The following GRM2 variants were observed in gnomAD, a reference collection of about 807,000 sequenced individuals.
GRM2 encodes glutamate metabotropic receptor 2, also known as metabotropic glutamate receptor 2.
A neutral mutation model predicts 60.4 loss-of-function variants in GRM2; 35 were observed. That is an observed-to-expected ratio of 0.58 (90% CI 0.44 to 0.77). The LOEUF is 0.77. GRM2 is among the 30% of genes least tolerant of loss of function. The pLI is 0.00. For synonymous variants in GRM2, 437 were observed against 484.1 expected, an observed-to-expected ratio of 0.90 and a Z score of 1.28; for missense variants, 925 against 1,199.5, an observed-to-expected ratio of 0.77 and a Z score of 3.38.
Position 51,715,424 on chromosome 3 carries a change from ACTGG to A in GRM2, c.1655_1658del (p.Gly552AlafsTer67). On this transcript the variant is annotated frameshift_variant, in exon 4 of 6. Transcript: ENST00000395052. LOFTEE classifies it high-confidence loss of function. This position sits in a 1 kb window ranked among gnomAD's most constrained non-coding sequence, Gnocchi z 9.0. ...GGGCTACTGGCCCAATGCCAGCCTG[ACTGG>A]CTGCTTCGAACTGCCCCAGGAGTAC... 1 of 1,613,210 alleles carries A rather than the reference ACTGG, an allele frequency of 6.2e-7. No individual in the cohort carries two copies. Among genetic ancestry groups the A allele is most frequent in the Non-Finnish European group, 8.5e-7 (1 of 1,179,908 alleles).
chr3:51,718,098 A>T lies in GRM2; in HGVS notation c.2605A>T (p.Thr869Ser), dbSNP rs776436857. Residue 869 changes from threonine (T) to serine (S), a missense_variant, in exon 6 of 6, where the codon ACG (threonine) becomes TCG (serine). Thr to Ser is a moderately conservative substitution (Grantham distance 58, BLOSUM62 1). Coordinates refer to ENST00000395052, the MANE Select transcript of GRM2 (RefSeq NM_000839.5). This position sits in a 1 kb window ranked among gnomAD's most constrained non-coding sequence, Gnocchi z 4.2. ...TGGCCGTGAGGTGGTGGACTCGACA[A>T]CGTCATCGCTTTGAAGACCCCATAC... Reference protein sequence around the residue: ...CNGREVVDSTTSSL With the variant: ...CNGREVVDSTSSSL 1 of 1,614,076 alleles carries T rather than the reference A, an allele frequency of 6.2e-7. No homozygotes were observed. Among genetic ancestry groups the T allele is most frequent in the South Asian group, 1.1e-5 (1 of 91,084 alleles).
In GRM2 at chr3:51,715,363, C is replaced by A. The variant is rs758637715; in HGVS notation, c.1590C>A (p.Tyr530Ter). 6.2e-7 allele frequency: 1 copy of A among 1,613,652 alleles called. No homozygotes were observed. The highest frequency in any genetic ancestry group is 1.3e-5 in the African/African-American group (1 of 74,950). Residue 530 changes from tyrosine (Y) to a stop codon, truncating the protein, a stop_gained, in exon 4 of 6, where the codon TAC becomes TAA. Transcript: ENST00000395052. LOFTEE classifies it high-confidence loss of function. This position sits in a 1 kb window ranked among gnomAD's most constrained non-coding sequence, Gnocchi z 9.0. ...WLCIPCQPYE[Y>*]RLDEFTCADC... ...GCATTCCGTGCCAGCCCTATGAGTA[C>A]CGATTGGACGAATTCACTTGCGCTG... is the stretch of plus-strand genomic sequence containing the variant.
intron 2 of GRM2, among the ~76,000 whole-genome samples, chr3:51,709,677 CA>C (rs1703625869): frequency 1.6e-5 from 2 of 127,784 alleles, no homozygotes; most frequent in Admixed American, 7.5e-5. Flanking sequence ...CTCACACACA[CA>C]CACACACCCC....
chr3:51,715,425 C>A lies in GRM2; in HGVS notation c.1652C>A (p.Thr551Asn). ...GLGYWPNASL[T>N]GCFELPQEYI... Reference sequence around the variant, plus strand: ...GGCTACTGGCCCAATGCCAGCCTGACTGGCTGCTTCGAACTGCCCCAGGAG... The same window carrying A: ...GGCTACTGGCCCAATGCCAGCCTGAATGGCTGCTTCGAACTGCCCCAGGAG... Residue 551 changes from threonine (T) to asparagine (N), a missense_variant, in exon 4 of 6, where the codon ACT (threonine) becomes AAT (asparagine). Thr to Asn is a moderately conservative substitution (Grantham distance 65). Coordinates refer to ENST00000395052, the MANE Select transcript of GRM2 (RefSeq NM_000839.5). This position sits in a 1 kb window ranked among gnomAD's most constrained non-coding sequence, Gnocchi z 9.0. The A allele has an allele frequency of 6.2e-7, 1 of 1,613,044 alleles. No individual in the cohort carries two copies. The highest frequency in any genetic ancestry group is 8.5e-7 in the Non-Finnish European group (1 of 1,179,876).
In GRM2 at chr3:51,712,597, C is replaced by G. The variant is rs1161472483; in HGVS notation, c.575C>G (p.Ala192Gly). 6.2e-7 allele frequency: 1 copy of G among 1,614,144 alleles called. No homozygotes were observed. The highest frequency in any genetic ancestry group is 1.7e-5 in the Admixed American group (1 of 60,032). ...ACAGTGCCTCCTGACTTCTTCCAAG[C>G]CAAGGCCATGGCTGAGATTCTCCGC... ...ARTVPPDFFQ[A>G]KAMAEILRFF... The change falls in exon 3 of 6, where the codon GCC becomes GGC. Residue 192 changes from alanine (A) to glycine (G), a missense_variant. Ala to Gly is a moderately conservative substitution (Grantham distance 60). Transcript: ENST00000395052. The surrounding 1 kb of genome is among the most constrained non-coding windows in gnomAD (Gnocchi z 5.3).
At position 51,715,771 on chromosome 3, in the gene GRM2, G is replaced by T. The variant is rs748298088; in HGVS notation, c.1998G>T (p.Glu666Asp). Residue 666 changes from glutamate (E) to aspartate (D), a missense_variant, in exon 4 of 6, where the codon GAG becomes GAT. Coordinates refer to ENST00000395052, the MANE Select transcript of GRM2 (RefSeq NM_000839.5). The surrounding 1 kb of genome is among the most constrained non-coding windows in gnomAD (Gnocchi z 9.0). ...CACGCATCTTCGGTGGGGCCCGGGA[G>T]GGTGCCCAGCGGCCACGCTTCATCA... is the stretch of plus-strand genomic sequence containing the variant. ...RIARIFGGAR[E>D]GAQRPRFISP... 4 of 1,613,418 alleles carry T rather than the reference G, an allele frequency of 2.5e-6. No individual in the cohort carries two copies. Among genetic ancestry groups the T allele is most frequent in the Non-Finnish European group, 3.4e-6 (4 of 1,179,644 alleles).
At position 51,713,005 on chromosome 3, in the gene GRM2, C is replaced by T. The variant is rs1197327319; in HGVS notation, c.983C>T (p.Ala328Val). The T allele has an allele frequency of 2.5e-6, 4 of 1,613,250 alleles. No homozygotes were observed. Among genetic ancestry groups the T allele is most frequent in the Non-Finnish European group, 3.4e-6 (4 of 1,180,052 alleles). The change falls in exon 3 of 6, where the codon GCC becomes GTC. Residue 328 changes from alanine (A) to valine (V), a missense_variant. Physicochemically the swap from Ala to Val is moderately conservative, Grantham distance 64 (BLOSUM62 0). Coordinates refer to ENST00000395052, the MANE Select transcript of GRM2 (RefSeq NM_000839.5). The surrounding 1 kb of genome is among the most constrained non-coding windows in gnomAD (Gnocchi z 4.8). ...GCCTCCTACCCCATCAGTGACTTTG[C>T]CTCCTACTTCCAGAGCCTGGACCCT... ...ELASYPISDF[A>V]SYFQSLDPWN... is the part of the protein sequence containing the mutation.
chr3:51,713,841 C>T lies in GRM2; in HGVS notation c.1288+531C>T, dbSNP rs748812411. The T allele has an allele frequency of 2.9e-5, 10 of 347,916 alleles. No individual in the cohort carries two copies. Among genetic ancestry groups the T allele is most frequent in the Non-Finnish European group, 5.9e-5 (10 of 170,104 alleles). 21.6% of individuals were successfully genotyped at this position (347,916 alleles called of 1,614,324 possible). ...GTTATTCACAGGCACAATACAGCCTCCAACTCCTGGGCTCAAGCGATCCTT... is the reference window on the plus strand; with the variant it reads ...GTTATTCACAGGCACAATACAGCCTTCAACTCCTGGGCTCAAGCGATCCTT... On this transcript the variant is annotated intron_variant, in intron 3 of 5. Transcript: ENST00000395052. This position sits in a 1 kb window ranked among gnomAD's most constrained non-coding sequence, Gnocchi z 4.8.
In GRM2 at chr3:51,709,103, G is replaced by T; in HGVS notation, c.120G>T (p.Val40=). The T allele has an allele frequency of 6.2e-7, 1 of 1,611,288 alleles. No homozygotes were observed. The highest frequency in any genetic ancestry group is 1.1e-5 in the South Asian group (1 of 91,074). ...TGGTGCTGGGTGGGCTGTTCCCAGT[G>T]CACCAGAAGGGCGGCCCAGCAGAGG... ...GDLVLGGLFP[V]HQKGGPAEDC... Residue 40 remains valine, a synonymous_variant, in exon 2 of 6, where the codon GTG becomes GTT. Transcript: ENST00000395052.
At position 51,717,505 on chromosome 3, in the gene GRM2, T is replaced by C; in HGVS notation, c.2365-132T>C. On this transcript the variant is annotated intron_variant, in intron 4 of 5. Coordinates refer to ENST00000395052, the MANE Select transcript of GRM2 (RefSeq NM_000839.5). The surrounding 1 kb of genome is among the most constrained non-coding windows in gnomAD (Gnocchi z 6.0). ...CAATTTTCCTAGCAATGCTTTGGGA[T>C]CCGGCAAATGGACCACAGCCCAGTG... is the stretch of plus-strand genomic sequence containing the variant. The C allele has an allele frequency of 1.5e-6, 1 of 683,490 alleles. No individual in the cohort carries two copies. Among genetic ancestry groups the C allele is most frequent in the Non-Finnish European group, 2.5e-6 (1 of 405,192 alleles). The allele number at this position is 683,490 out of a possible 1,614,324, so 42.3% of individuals were successfully genotyped here. A position where few individuals can be genotyped will look rare whatever the true frequency, so the allele number is the denominator to read the frequency against.
In GRM2 at chr3:51,717,497, C is replaced by T. The variant is rs1285450073; in HGVS notation, c.2365-140C>T. Reference sequence around the variant, plus strand: ...ACTGTGCCCAATTTTCCTAGCAATGCTTTGGGATCCGGCAAATGGACCACA... The same window carrying T: ...ACTGTGCCCAATTTTCCTAGCAATGTTTTGGGATCCGGCAAATGGACCACA... On this transcript the variant is annotated intron_variant, in intron 4 of 5. Transcript: ENST00000395052. This position sits in a 1 kb window ranked among gnomAD's most constrained non-coding sequence, Gnocchi z 6.0. The T allele has an allele frequency of 6.1e-6, 4 of 660,490 alleles. No individual in the cohort carries two copies. In the East Asian group the frequency reaches 1.1e-4, roughly 18 times the overall value. 40.9% of individuals were successfully genotyped at this position (660,490 alleles called of 1,614,324 possible).
intron 3 of GRM2, chr3:51,714,570 G>T: frequency 6.4e-6 from 1 of 155,290 alleles, no homozygotes; most frequent in Admixed American, 6.5e-5. Flanking sequence ...TTTGCACCAG[G>T]ATGACTGTTA....
intron 2 of GRM2, among the ~76,000 whole-genome samples, chr3:51,710,312 G>C (rs1323676310): frequency 2.0e-5 from 3 of 152,206 alleles, no homozygotes; most frequent in Non-Finnish European, 4.4e-5. Context: ...TTTCTACTTT[G>C]AGGTTTGCCA....
rs866688853 is a variant in GRM2 at position 51,714,246 on chromosome 3, A to G, written c.1289-816A>G. ...AATTCAGCATGTTTGGCTTGGGTGG[A>G]ATTTATGGTAGGGCTAGAGTTGGAT... On this transcript the variant is annotated intron_variant, in intron 3 of 5. Transcript: ENST00000395052. The G allele has an allele frequency of 8.6e-5, 19 of 219,686 alleles. No individual in the cohort carries two copies. In the Middle Eastern group the frequency reaches 4.5e-3, roughly 52 times the overall value. The allele number at this position is 219,686 out of a possible 1,614,324, so 13.6% of individuals were successfully genotyped here.
In GRM2 at chr3:51,715,364, C is replaced by T. The variant is rs1403765782; in HGVS notation, c.1591C>T (p.Arg531Ter). The T allele has an allele frequency of 3.7e-6, 6 of 1,613,760 alleles. No homozygotes were observed. The highest frequency in any genetic ancestry group is 2.2e-5 in the East Asian group (1 of 44,882). The part of the protein sequence containing the change: ...LCIPCQPYEY[R>*]LDEFTCADCG... ...CATTCCGTGCCAGCCCTATGAGTAC[C>T]GATTGGACGAATTCACTTGCGCTGA... is the stretch of plus-strand genomic sequence containing the variant. The change falls in exon 4 of 6, where the codon CGA becomes TGA. Residue 531 changes from arginine (R) to a stop codon, truncating the protein, a stop_gained. Coordinates refer to ENST00000395052, the MANE Select transcript of GRM2 (RefSeq NM_000839.5). LOFTEE classifies it high-confidence loss of function. The surrounding 1 kb of genome is among the most constrained non-coding windows in gnomAD (Gnocchi z 9.0).
chr3:51,713,882 G>A lies in GRM2; in HGVS notation c.1288+572G>A. 2.4e-6 allele frequency: 1 copy of A among 424,942 alleles called. No homozygotes were observed. The allele number at this position is 424,942 out of a possible 1,614,324, so 26.3% of individuals were successfully genotyped here. On this transcript the variant is annotated intron_variant, in intron 3 of 5. Transcript: ENST00000395052. The surrounding 1 kb of genome is among the most constrained non-coding windows in gnomAD (Gnocchi z 4.8). ...AGCGATCCTTCTGCCTCAGTCTCCA[G>A]AGTAGCTAGGATGACAGGCATGTGG...
At chr3:51,709,537 A>T in intron 2 of GRM2, 104 bp downstream of exon 2, 1 of 783,136 alleles carries the variant, frequency 1.3e-6, no homozygotes, top group Non-Finnish European at 2.0e-6. Context: ...ATTGGAAGGG[A>T]AACTAGAAGC....
At position 51,709,035 on chromosome 3, in the gene GRM2, G is replaced by A. The variant is rs200663159; in HGVS notation, c.52G>A (p.Ala18Thr). ...ACTGCTGCTGCTGTGGGGTGCTGTG[G>A]CTGAGGGCCCAGCCAAGAAGGTGCT... ...LALLLLWGAV[A>T]EGPAKKVLTL... is the part of the protein sequence containing the mutation. Residue 18 changes from alanine (A) to threonine (T), a missense_variant, in exon 2 of 6, where the codon GCT becomes ACT. Ala to Thr is a moderately conservative substitution (Grantham distance 58). Coordinates refer to ENST00000395052, the MANE Select transcript of GRM2 (RefSeq NM_000839.5). 1.2e-6 allele frequency: 2 copies of A among 1,600,566 alleles called. No individual in the cohort carries two copies. The highest frequency in any genetic ancestry group is 2.2e-5 in the East Asian group (1 of 44,480).
In GRM2 at chr3:51,716,706, A is replaced by G. The variant is rs770245387; in HGVS notation, c.2364+569A>G. Reference sequence around the variant, plus strand: ...TCTCTGAGGAGGTGACAGATGAGCTATGTTCTGAGTAAGAAGATTATCTTG... The same window carrying G: ...TCTCTGAGGAGGTGACAGATGAGCTGTGTTCTGAGTAAGAAGATTATCTTG... On this transcript the variant is annotated intron_variant, in intron 4 of 5. Coordinates refer to ENST00000395052, the MANE Select transcript of GRM2 (RefSeq NM_000839.5). The surrounding 1 kb of genome is among the most constrained non-coding windows in gnomAD (Gnocchi z 4.0). Among the ~76,000 whole-genome samples, 15 of 152,170 alleles carry G rather than the reference A, an allele frequency of 9.9e-5. No homozygotes were observed. Among genetic ancestry groups the G allele is most frequent in the African/African-American group, 3.6e-4 (15 of 41,434 alleles).
Sources: allele counts gnomAD v4.1 joint callset (sites outside exome capture counted in the v4.1 genomes callset), GRCh38; gene constraint gnomAD v4.1.1; non-coding constraint Gnocchi (gnomAD v3.1); transcripts MANE v1.5; gene names NCBI Gene and HGNC (gene_info 2026-07-23, HGNC 2026-07-21).